SPIRE1: variants seen among roughly 807,000 people sequenced by gnomAD.
SPIRE1 encodes spire type actin nucleation factor 1.
A neutral mutation model predicts 94.1 loss-of-function variants in SPIRE1; 40 were observed. The observed-to-expected ratio is 0.43, with a 90% CI of 0.33 to 0.55. The LOEUF (loss-of-function observed/expected upper bound fraction) is 0.55. SPIRE1 is among the 20% of genes least tolerant of loss of function. The probability of loss-of-function intolerance (pLI) is 0.06; values close to 1 mark genes in which losing one functional copy is unlikely to be tolerated. For missense variants in SPIRE1, 838 were observed against 975.2 expected (o/e 0.86, Z 1.87); for synonymous variants, 376 against 371.7 (o/e 1.01, Z -0.13).
At chr18:12,475,590 T>C (rs2032533873) in intron 10 of SPIRE1, among the ~76,000 whole-genome samples, 1 of 152,068 alleles carries the variant, frequency 6.6e-6, no homozygotes, top group Admixed American at 6.6e-5. Flanking sequence ...AAAAAATTAC[T>C]ATAAAATGTG....
intron 2 of SPIRE1, among the ~76,000 whole-genome samples, chr18:12,579,186 T>C (rs2036191112): frequency 9.2e-6 from 1 of 108,460 alleles, no homozygotes. Context: ...GGAAAAAGTT[T>C]ACACACACAC....
intron 2 of SPIRE1, among the ~76,000 whole-genome samples, chr18:12,608,983 G>C (rs2037063864): frequency 6.6e-6 from 1 of 152,120 alleles, no homozygotes; most frequent in South Asian, 2.1e-4. Context: ...GTGGGGTGTG[G>C]GGATGGTTTT....
chr18:12,566,079 T>A (rs984665022), intron 2 of SPIRE1, among the ~76,000 whole-genome samples: 2 of 150,950 alleles, frequency 1.3e-5, no homozygotes, highest in Non-Finnish European at 2.9e-5. Flanking sequence ...CTCCCTCCTA[T>A]AATCCCAGCA....
At chr18:12,483,627 T>C (rs2032924858) in intron 9 of SPIRE1, among the ~76,000 whole-genome samples, 3 of 152,168 alleles carry the variant, frequency 2.0e-5, no homozygotes, top group African/African-American at 7.2e-5. Context: ...ATAAGTGATG[T>C]TGAATAGGTT....
At chr18:12,641,098 T>C (rs933021814) in intron 1 of SPIRE1, among the ~76,000 whole-genome samples, 1 of 152,044 alleles carries the variant, frequency 6.6e-6, no homozygotes, top group African/African-American at 2.4e-5. Flanking sequence ...AATTTGGAAG[T>C]AGAACAGGAT....
At chr18:12,449,954 T>C in intron 16 of SPIRE1, 58 bp from the exon 17 acceptor site, 1 of 1,528,554 alleles carries the variant, frequency 6.5e-7, no homozygotes, top group Non-Finnish European at 8.8e-7. Flanking sequence ...GCTGCAATAT[T>C]AAGAAAATAT....
At chr18:12,490,792 A>T (rs1703474294) in intron 8 of SPIRE1, among the ~76,000 whole-genome samples, 1 of 152,172 alleles carries the variant, frequency 6.6e-6, no homozygotes, top group South Asian at 2.1e-4. Context: ...ACCTCAACAT[A>T]ATAAAGGCCA....
chr18:12,484,645 GA>G (rs2032967839), intron 9 of SPIRE1, among the ~76,000 whole-genome samples: 1 of 152,116 alleles, frequency 6.6e-6, no homozygotes, highest in Non-Finnish European at 1.5e-5. Context: ...GCATTTAAAA[GA>G]AAATCCCAAA....
intron 2 of SPIRE1, among the ~76,000 whole-genome samples, chr18:12,606,407 C>T (rs554453264): frequency 6.6e-6 from 1 of 152,010 alleles, no homozygotes; most frequent in African/African-American, 2.4e-5. Flanking sequence ...AGAAAAGAAA[C>T]AAAGAAAAAG....
chr18:12,658,524 G>A (rs1052467246), upstream of SPIRE1: 2 of 466,386 alleles, frequency 4.3e-6, no homozygotes, highest in Admixed American at 2.4e-5. Context: ...CGCCAACCCG[G>A]GTCACCGCCC....
At chr18:12,642,848 G>C (rs966155595) in intron 1 of SPIRE1, among the ~76,000 whole-genome samples, 5 of 152,116 alleles carry the variant, frequency 3.3e-5, no homozygotes, top group Non-Finnish European at 7.4e-5. Context: ...CGGGTTGACA[G>C]GTGCAGCAAA....
rs375612703 is a variant in SPIRE1, at chr18:12,551,724, C to T, written c.373-4820G>A. On this transcript the variant is annotated intron_variant, in intron 2 of 16. Coordinates refer to ENST00000409402, the MANE Select transcript of SPIRE1 (RefSeq NM_001128626.2). ...CTCAGAAAAAAAAAAAAATATGGGG[C>T]GGGAGAGGGGTGGAGCAAGAGAGCT... Among the ~76,000 whole-genome samples, 53 of 151,260 alleles carry T rather than the reference C, an allele frequency of 3.5e-4. 1 individual carries two copies. Among genetic ancestry groups the T allele is most frequent in the African/African-American group, 1.1e-3 (45 of 41,208 alleles).
chr18:12,520,826 A>G (rs1340781656), intron 4 of SPIRE1, among the ~76,000 whole-genome samples: 1 of 152,212 alleles, frequency 6.6e-6, no homozygotes, highest in East Asian at 1.9e-4. Context: ...GGAATATGAG[A>G]AAGCTGATTA....
intron 1 of SPIRE1, among the ~76,000 whole-genome samples, chr18:12,647,991 C>T (rs1341108697): frequency 6.6e-6 from 1 of 152,036 alleles, no homozygotes; most frequent in Non-Finnish European, 1.5e-5. Context: ...AGGAGCCAAG[C>T]CTAAGGAGCA....
rs774988828 is a variant in SPIRE1, at chr18:12,546,763, C to T, written c.514G>A (p.Glu172Lys). Reference sequence around the variant, plus strand: ...CCTTCTTCTGCAGCCTCATAGCCCTCATCATTGCTACCGTCAGCTTCCACC... The same window carrying T: ...CCTTCTTCTGCAGCCTCATAGCCCTTATCATTGCTACCGTCAGCTTCCACC... ...NTVEADGSND[E>K]GYEAAEEGLG... Residue 172 changes from glutamate (E) to lysine (K), a missense_variant, in exon 3 of 17, where the codon GAG becomes AAG. This residue lies in a region of SPIRE1 where 645 missense variants were observed against 804.7 expected (regional missense o/e 0.80). Coordinates refer to ENST00000409402, the MANE Select transcript of SPIRE1 (RefSeq NM_001128626.2). 1 of 1,614,162 alleles carries T rather than the reference C, an allele frequency of 6.2e-7. No individual in the cohort carries two copies. Among genetic ancestry groups the T allele is most frequent in the South Asian group, 1.1e-5 (1 of 91,084 alleles).
intron 7 of SPIRE1, among the ~76,000 whole-genome samples, 189 bp from the exon 8 acceptor site, chr18:12,493,390 T>C (rs1440416472): frequency 6.6e-6 from 1 of 152,164 alleles, no homozygotes; most frequent in Non-Finnish European, 1.5e-5. Flanking sequence ...CAGAGTGATT[T>C]GGTTATACAT....
chr18:12,577,716 G>A (rs1458926514), intron 2 of SPIRE1, among the ~76,000 whole-genome samples: 3 of 152,132 alleles, frequency 2.0e-5, no homozygotes, highest in Non-Finnish European at 4.4e-5. Context: ...AAGATCATGT[G>A]TAAAATTAAA....
At chr18:12,491,727 C>A (rs746009293) in intron 8 of SPIRE1, among the ~76,000 whole-genome samples, 1 of 152,026 alleles carries the variant, frequency 6.6e-6, no homozygotes, top group Non-Finnish European at 1.5e-5. Context: ...CCTGTCATCA[C>A]GAAGGTCACA....
intron 2 of SPIRE1, among the ~76,000 whole-genome samples, chr18:12,557,211 G>C (rs2035541840): frequency 6.6e-6 from 1 of 152,188 alleles, no homozygotes; most frequent in South Asian, 2.1e-4. Context: ...GCGCCCGTCG[G>C]GGAGGCTTGG....
Sources: gnomAD v4.1 joint callset for allele counts (sites outside exome capture counted in the v4.1 genomes callset) on GRCh38, gnomAD v4.1.1 for gene constraint, gnomAD v4.1.1 regional missense constraint, MANE v1.5 for transcripts, NCBI Gene and HGNC (gene_info 2026-07-23, HGNC 2026-07-21) for gene names.